Variants in APBB2 observed in about 807,000 individuals in gnomAD.
The protein encoded by APBB2 is amyloid beta precursor protein binding family B member 2, also known as Fe65-like 1.
In APBB2, 38 loss-of-function variants were observed where a neutral mutation model predicts 82.5. The ratio of observed to expected loss-of-function variants is 0.46; its 90% confidence interval spans 0.36 to 0.60. The LOEUF is 0.60. APBB2 is among the 20% of genes least tolerant of loss of function. APBB2 has a pLI of 0.00. For synonymous variants in APBB2, 341 were observed against 368.2 expected (o/e 0.93, Z 0.85); for missense variants, 772 against 972.3 (o/e 0.79, Z 2.74).
At chr4:40,863,435 G>T (rs1244147144) in intron 12 of APBB2, among the ~76,000 whole-genome samples, 2 of 152,164 alleles carry the variant, frequency 1.3e-5, no homozygotes, top group Non-Finnish European at 2.9e-5. Flanking sequence ...GATTCAGTGG[G>T]TCTGGGTAGG....
intron 1 of APBB2, among the ~76,000 whole-genome samples, chr4:41,196,020 T>G: frequency 7.0e-6 from 1 of 142,100 alleles, no homozygotes; most frequent in Non-Finnish European, 1.5e-5. Flanking sequence ...ATTAGCTGGG[T>G]GTGGTGGCGG....
chr4:40,824,499 T>G (rs1749182543), intron 15 of APBB2, among the ~76,000 whole-genome samples: 1 of 152,164 alleles, frequency 6.6e-6, no homozygotes. Flanking sequence ...ATCATCAATT[T>G]TTTTTTGAGA....
intron 3 of APBB2, among the ~76,000 whole-genome samples, chr4:41,080,768 T>A (rs574616678): frequency 2.7e-5 from 4 of 150,742 alleles, no homozygotes; most frequent in Non-Finnish European, 5.9e-5. Context: ...AGTGGCATGA[T>A]CTCTCCTCAC....
At chr4:40,991,227 G>C (rs1482671874) in intron 6 of APBB2, among the ~76,000 whole-genome samples, 1 of 139,000 alleles carries the variant, frequency 7.2e-6, no homozygotes, top group African/African-American at 2.7e-5. Flanking sequence ...ATTTTGCCCA[G>C]GCTGGTCTCG....
intron 12 of APBB2, among the ~76,000 whole-genome samples, chr4:40,838,885 G>A (rs1754912887): frequency 6.6e-6 from 1 of 152,132 alleles, no homozygotes; most frequent in African/African-American, 2.4e-5. Context: ...TCTTCCAAAA[G>A]GCATCTACAG....
In APBB2 at chr4:40,815,004, T is replaced by C. The variant is rs549425512; in HGVS notation, c.*1088A>G. 20 of 152,336 alleles carry C rather than the reference T, an allele frequency of 1.3e-4. No individual in the cohort carries two copies. Among genetic ancestry groups the C allele is most frequent in the African/African-American group, 4.8e-4 (20 of 41,428 alleles). 9.4% of individuals were successfully genotyped at this position (152,336 alleles called of 1,614,324 possible). A position where few individuals can be genotyped will look rare whatever the true frequency, so the allele number is the denominator to read the frequency against. On this transcript the variant is annotated 3_prime_UTR_variant, in exon 18 of 18. Transcript: ENST00000508593. ...ATTTGTTGCCATGGACAATACATGA[T>C]GGACAGACAGCTTTCTGGGCAAAAA... is the stretch of plus-strand genomic sequence containing the variant.
At chr4:40,858,138 C>T (rs1761872625) in intron 12 of APBB2, among the ~76,000 whole-genome samples, 1 of 152,050 alleles carries the variant, frequency 6.6e-6, no homozygotes, top group Non-Finnish European at 1.5e-5. Context: ...TACATGGAAG[C>T]AGAAAATGTC....
intron 7 of APBB2, among the ~76,000 whole-genome samples, chr4:40,942,753 AG>A (rs1322446598): frequency 1.3e-5 from 2 of 152,116 alleles, no homozygotes; most frequent in African/African-American, 2.4e-5. Flanking sequence ...GCAGGCACAG[AG>A]AGGGGAAAGA....
At chr4:40,974,583 G>A (rs1196054330) in intron 6 of APBB2, among the ~76,000 whole-genome samples, 1 of 152,170 alleles carries the variant, frequency 6.6e-6, no homozygotes, top group Non-Finnish European at 1.5e-5. Flanking sequence ...CTCTGTTATA[G>A]AATTATAAGA....
At chr4:40,988,163 G>A (rs1278587487) in intron 6 of APBB2, among the ~76,000 whole-genome samples, 1 of 152,186 alleles carries the variant, frequency 6.6e-6, no homozygotes, top group African/African-American at 2.4e-5. Context: ...TCTGTCACAA[G>A]AATTCCAAAG....
chr4:40,973,915 G>A (rs1004699478), intron 6 of APBB2, among the ~76,000 whole-genome samples: 5 of 150,436 alleles, frequency 3.3e-5, no homozygotes, highest in Non-Finnish European at 7.4e-5. Context: ...GCAGTGGCGC[G>A]ATCTCGGCTC....
intron 1 of APBB2, among the ~76,000 whole-genome samples, chr4:41,159,943 GAGAAGGAGAAGGAGA>G (rs1560912715): frequency 2.1e-5 from 1 of 47,662 alleles, no homozygotes; most frequent in Non-Finnish European, 3.9e-5. Flanking sequence ...GGAGGAGGAG[GAGAAGGAGAAGGAGA>G]AGGAGAAGAA....
chr4:40,943,697 TTAAAA>T (rs1297980410), intron 7 of APBB2, among the ~76,000 whole-genome samples: 1 of 152,212 alleles, frequency 6.6e-6, no homozygotes, highest in Non-Finnish European at 1.5e-5. Context: ...TAAAAAGTTG[TTAAAA>T]CTGCCCAGTG....
intron 4 of APBB2, among the ~76,000 whole-genome samples, chr4:41,043,469 A>T (rs1340438979): frequency 1.3e-5 from 2 of 152,248 alleles, no homozygotes; most frequent in Non-Finnish European, 2.9e-5. Flanking sequence ...TCATAATAAA[A>T]GTTGGGAGAA....
chr4:40,821,719 T>A (rs558538822), intron 17 of APBB2, 152 bp downstream of exon 17: 28 of 891,532 alleles, frequency 3.1e-5, no homozygotes, highest in Middle Eastern at 3.6e-4. Flanking sequence ...TCATAACTGA[T>A]TCTGGCCCTA....
chr4:41,033,685 C>T (rs989790354), intron 4 of APBB2, among the ~76,000 whole-genome samples: 33 of 150,346 alleles, frequency 2.2e-4, no homozygotes, highest in African/African-American at 8.1e-4. Context: ...TTAAAACCAT[C>T]TGTTTAGAAA....
intron 1 of APBB2, among the ~76,000 whole-genome samples, chr4:41,191,975 G>C (rs62410025): frequency 0.014 from 2,150 of 152,212 alleles, 19 homozygotes; most frequent in Non-Finnish European, 0.017. Flanking sequence ...AAGTCACCTG[G>C]ATAGACATTT....
intron 12 of APBB2, among the ~76,000 whole-genome samples, chr4:40,860,737 A>G (rs1762559363): frequency 6.6e-6 from 1 of 152,198 alleles, no homozygotes; most frequent in Non-Finnish European, 1.5e-5. Context: ...ACATACAGTA[A>G]GTGCTTAATA....
rs540072554 is a variant in APBB2, at chr4:40,882,626, C to T, written c.1529+7738G>A. 5.9e-5 allele frequency among the ~76,000 whole-genome samples: 9 copies of T among 152,278 alleles called. No individual in the cohort carries two copies. In the East Asian group the frequency reaches 1.2e-3, roughly 20 times the overall value. On this transcript the variant is annotated intron_variant, in intron 12 of 17. Transcript: ENST00000508593. ...CCTCCTCCACCTGGCAGTTCTCCTTCGAGTGCTGCACAGTCACCAGAGTCT... is the reference window on the plus strand; with the variant it reads ...CCTCCTCCACCTGGCAGTTCTCCTTTGAGTGCTGCACAGTCACCAGAGTCT...
Sources: gnomAD v4.1 joint callset for allele counts (sites outside exome capture counted in the v4.1 genomes callset) on GRCh38, gnomAD v4.1.1 for gene constraint, MANE v1.5 for transcripts, NCBI Gene and HGNC (gene_info 2026-07-23, HGNC 2026-07-21) for gene names.